INTS9: variants seen among roughly 807,000 people sequenced by gnomAD.
The protein encoded by INTS9 is protein related to CPSF subunits of 74 kDa.
A neutral mutation model predicts 79.7 loss-of-function variants in INTS9; 55 were observed. The ratio of observed to expected loss-of-function variants is 0.69; its 90% CI spans 0.56 to 0.86. INTS9 has a LOEUF of 0.86. Ranked by LOEUF, INTS9 falls within the 40% of genes least tolerant of loss-of-function variation. The pLI, the probability that INTS9 is intolerant of heterozygous loss-of-function variation, is 0.00. For missense variants in INTS9, 721 were observed against 831.5 expected (o/e 0.87, Z 1.64); for synonymous variants, 319 against 325.2 (o/e 0.98, Z 0.20).
chr8:28,859,380 T>C, intron 2 of INTS9, 56 bp downstream of exon 2: 1 of 1,595,768 alleles, frequency 6.3e-7, no homozygotes, highest in Non-Finnish European at 8.6e-7. Flanking sequence ...ATACTAATGG[T>C]ACCATTTTTC....
At chr8:28,809,069 C>A (rs1293123971) in intron 8 of INTS9, among the ~76,000 whole-genome samples, 1 of 152,066 alleles carries the variant, frequency 6.6e-6, no homozygotes, top group African/African-American at 2.4e-5. Flanking sequence ...CATGCCTCAG[C>A]CTCCCGAGTA....
chr8:28,794,198 T>A (rs2130956896), intron 9 of INTS9, among the ~76,000 whole-genome samples: 1 of 152,294 alleles, frequency 6.6e-6, no homozygotes, highest in South Asian at 2.1e-4. Context: ...CTAATCTAGG[T>A]CCCTGGGAAT....
chr8:28,835,470 C>T, intron 5 of INTS9, 92 bp from the exon 6 acceptor site: 2 of 764,548 alleles, frequency 2.6e-6, no homozygotes, highest in East Asian at 5.3e-5. Flanking sequence ...ATGACTTGCC[C>T]ACCTCCCCCT....
chr8:28,846,665 C>G (rs1305952738), intron 4 of INTS9, 82 bp downstream of exon 4: 1 of 1,030,218 alleles, frequency 9.7e-7, no homozygotes, highest in Non-Finnish European at 1.5e-6. Flanking sequence ...GAAGCTAAGC[C>G]TCTTAAAATT....
At position 28,812,360 on chromosome 8, in the gene INTS9, G is replaced by A. The variant is rs1805198405; in HGVS notation, c.711C>T (p.Val237=). The A allele has an allele frequency of 1.2e-6, 2 of 1,614,094 alleles. No homozygotes were observed. Among genetic ancestry groups the A allele is most frequent in the Non-Finnish European group, 1.7e-6 (2 of 1,179,950 alleles). ...GTGTGGTAAGCAAGGAGGATCCAGA[G>A]ACATAAGACACTTTCTCGTAATGAG... ...IQSHYEKVSY[V]SGSSLLTTHP... is the part of the protein sequence containing the mutation. Residue 237 remains valine (V), a synonymous_variant, in exon 8 of 17, where the codon GTC becomes GTT. Coordinates refer to ENST00000521022, the MANE Select transcript of INTS9 (RefSeq NM_018250.4).
At chr8:28,787,772 T>C in intron 11 of INTS9, 57 bp downstream of exon 11, 3 of 1,247,636 alleles carry the variant, frequency 2.4e-6, no homozygotes, top group South Asian at 2.5e-5. Context: ...TGTCTGCATC[T>C]GCATCAGGTT....
intron 8 of INTS9, among the ~76,000 whole-genome samples, chr8:28,806,281 G>A (rs975569139): frequency 3.3e-5 from 5 of 152,044 alleles, no homozygotes; most frequent in African/African-American, 1.2e-4. Flanking sequence ...ATGGGAAAAA[G>A]CCTCTTAGCT....
chr8:28,876,861 G>A (rs1448176542), intron 1 of INTS9, among the ~76,000 whole-genome samples: 1 of 151,650 alleles, frequency 6.6e-6, no homozygotes, highest in Admixed American at 6.6e-5. Flanking sequence ...AAAAGATAAA[G>A]TATTTAGATA....
intron 1 of INTS9, 172 bp from the exon 2 acceptor site, chr8:28,859,735 G>A (rs915170139): frequency 1.5e-5 from 11 of 739,750 alleles, no homozygotes; most frequent in South Asian, 5.9e-5. Context: ...TTCCCTAGCC[G>A]TTCAAAATAC....
intron 1 of INTS9, among the ~76,000 whole-genome samples, chr8:28,866,703 G>T (rs538932043): frequency 1.3e-5 from 2 of 152,152 alleles, no homozygotes; most frequent in Non-Finnish European, 1.5e-5. Flanking sequence ...CTGGCCAGGC[G>T]TGGTGGCTCA....
intron 6 of INTS9, among the ~76,000 whole-genome samples, chr8:28,826,642 G>A (rs1019955605): frequency 6.6e-6 from 1 of 152,180 alleles, no homozygotes; most frequent in African/African-American, 2.4e-5. Flanking sequence ...ATGATGGGCT[G>A]TCACTTCAGT....
At position 28,799,078 on chromosome 8, in the gene INTS9, C is replaced by T. The variant is rs868866920; in HGVS notation, c.745-2423G>A. 7.9e-5 allele frequency among the ~76,000 whole-genome samples: 12 copies of T among 152,214 alleles called. No individual in the cohort carries two copies. The South Asian group carries it at 1.2e-3, about 16-fold the overall frequency. ...TTGTGAGGCCAAGGCGGGTGGATCA[C>T]GAGGTCAGGCGTTCGAGACCAGCCT... On this transcript the variant is annotated intron_variant, in intron 8 of 16. Coordinates refer to ENST00000521022, the MANE Select transcript of INTS9 (RefSeq NM_018250.4).
At chr8:28,871,040 T>C (rs1809063129) in intron 1 of INTS9, among the ~76,000 whole-genome samples, 1 of 152,232 alleles carries the variant, frequency 6.6e-6, no homozygotes, top group South Asian at 2.1e-4. Context: ...CATGCATTTA[T>C]GTAGGCACAA....
At chr8:28,809,013 A>G (rs1415841362) in intron 8 of INTS9, among the ~76,000 whole-genome samples, 2 of 151,918 alleles carry the variant, frequency 1.3e-5, no homozygotes, top group Non-Finnish European at 2.9e-5. Flanking sequence ...ACAATGGCAC[A>G]AACATGGCTC....
At chr8:28,852,812 AC>A (rs1807919774) in intron 2 of INTS9, among the ~76,000 whole-genome samples, 1 of 152,252 alleles carries the variant, frequency 6.6e-6, no homozygotes, top group South Asian at 2.1e-4. Context: ...CACCTATTAT[AC>A]CTGGGTGGTT....
At chr8:28,816,277 A>G (rs1023881449) in intron 6 of INTS9, among the ~76,000 whole-genome samples, 10 of 149,230 alleles carry the variant, frequency 6.7e-5, no homozygotes, top group Non-Finnish European at 1.3e-4. Flanking sequence ...AGCATTAGGT[A>G]TGTCCCCTAA....
At chr8:28,872,946 T>G (rs901185600) in intron 1 of INTS9, among the ~76,000 whole-genome samples, 1 of 152,094 alleles carries the variant, frequency 6.6e-6, no homozygotes, top group African/African-American at 2.4e-5. Flanking sequence ...CCATAATGAC[T>G]GATTATTTGA....
chr8:28,828,408 G>A (rs1441634229), intron 6 of INTS9, among the ~76,000 whole-genome samples: 1 of 152,202 alleles, frequency 6.6e-6, no homozygotes, highest in African/African-American at 2.4e-5. Flanking sequence ...CACCTACTGT[G>A]TGACTGGCAT....
intron 8 of INTS9, among the ~76,000 whole-genome samples, chr8:28,808,086 C>T (rs1804908866): frequency 6.6e-6 from 1 of 152,178 alleles, no homozygotes; most frequent in Non-Finnish European, 1.5e-5. Flanking sequence ...CCTCAATTTT[C>T]CTTTAACTCT....
Sources: allele counts gnomAD v4.1 joint callset (sites outside exome capture counted in the v4.1 genomes callset), GRCh38; gene constraint gnomAD v4.1.1; transcripts MANE v1.5; gene names NCBI Gene and HGNC (gene_info 2026-07-23, HGNC 2026-07-21).